AGBL1: variants seen among roughly 807,000 people sequenced by gnomAD.
AGBL1 encodes the protein AGBL carboxypeptidase 1.
AGBL1 carries 130 observed loss-of-function variants against 118.9 expected under a neutral mutation model. The observed-to-expected ratio is 1.09, with a 90% confidence interval of 0.95 to 1.26. The LOEUF is 1.26. Among genes scored for constraint, AGBL1 ranks in the 50% most tolerant of loss-of-function variants. AGBL1 has a pLI of 0.00. For missense variants in AGBL1, 1,584 were observed against 1,298.1 expected (o/e 1.22, Z -3.38); for synonymous variants, 555 against 478.9 (o/e 1.16, Z -2.08).
At chr15:86,279,351 A>G (rs1226879216) in intron 15 of AGBL1, among the ~76,000 whole-genome samples, 2 of 152,204 alleles carry the variant, frequency 1.3e-5, no homozygotes, top group Non-Finnish European at 2.9e-5. Flanking sequence ...CTCAGTGACT[A>G]TATAGCCCTC....
chr15:86,884,015 G>C (rs2079934132), intron 22 of AGBL1, among the ~76,000 whole-genome samples: 1 of 152,212 alleles, frequency 6.6e-6, no homozygotes, highest in Non-Finnish European at 1.5e-5. Flanking sequence ...TTTCTTCTGA[G>C]ACCCATGGAT....
chr15:86,575,069 G>C (rs2084068050), intron 21 of AGBL1, among the ~76,000 whole-genome samples: 1 of 151,926 alleles, frequency 6.6e-6, no homozygotes, highest in Non-Finnish European at 1.5e-5. Flanking sequence ...GGTGCCTGCA[G>C]TCCCAGCTAC....
At chr15:86,399,527 C>T (rs2081414306) in intron 18 of AGBL1, among the ~76,000 whole-genome samples, 1 of 152,122 alleles carries the variant, frequency 6.6e-6, no homozygotes, top group African/African-American at 2.4e-5. Context: ...CTGCCCTAGT[C>T]AGTTTTCTCT....
At chr15:86,320,944 T>C (rs560096524) in intron 17 of AGBL1, among the ~76,000 whole-genome samples, 2 of 152,242 alleles carry the variant, frequency 1.3e-5, no homozygotes, top group Non-Finnish European at 2.9e-5. Flanking sequence ...AGTTCTGGAA[T>C]AAATCCATTT....
chr15:86,603,512 CT>C (rs1212336461), intron 21 of AGBL1, among the ~76,000 whole-genome samples: 1 of 152,064 alleles, frequency 6.6e-6, no homozygotes, highest in Admixed American at 6.5e-5. Context: ...CCTTAGCCCC[CT>C]ATTTTCTAAT....
intron 24 of AGBL1, among the ~76,000 whole-genome samples, chr15:87,028,469 GTGA>G (rs1239614818): frequency 6.6e-6 from 1 of 151,796 alleles, no homozygotes; most frequent in African/African-American, 2.4e-5. Flanking sequence ...TTTAAGTGTA[GTGA>G]TGATAATATC....
intron 21 of AGBL1, among the ~76,000 whole-genome samples, chr15:86,624,929 A>G (rs1193163325): frequency 1.3e-5 from 2 of 152,202 alleles, no homozygotes; most frequent in African/African-American, 4.8e-5. Flanking sequence ...AGGGCCTGAC[A>G]GAATGCCTTC....
At chr15:86,546,319 T>A (rs563850471) in intron 20 of AGBL1, among the ~76,000 whole-genome samples, 186 bp downstream of exon 20, 1 of 152,264 alleles carries the variant, frequency 6.6e-6, no homozygotes, top group East Asian at 1.9e-4. Context: ...CTAATTTTTG[T>A]TGAATAATGA....
At chr15:86,735,451 C>T (rs1279892155) in intron 22 of AGBL1, among the ~76,000 whole-genome samples, 2 of 151,972 alleles carry the variant, frequency 1.3e-5, no homozygotes, top group Admixed American at 1.3e-4. Context: ...GCTGAGTGGG[C>T]AGATTTCAAA....
At chr15:86,245,381 T>C (rs969093254) in intron 6 of AGBL1, among the ~76,000 whole-genome samples, 1 of 152,162 alleles carries the variant, frequency 6.6e-6, no homozygotes, top group African/African-American at 2.4e-5. Flanking sequence ...CCAGTGTGAA[T>C]GGTTTCGATG....
At chr15:86,172,020 T>C (rs1035082193) in intron 5 of AGBL1, among the ~76,000 whole-genome samples, 1 of 152,160 alleles carries the variant, frequency 6.6e-6, no homozygotes, top group African/African-American at 2.4e-5. Flanking sequence ...AATGTTAAAA[T>C]GGACTTTGGA....
At chr15:86,742,874 G>C (rs1348464881) in intron 22 of AGBL1, among the ~76,000 whole-genome samples, 1 of 152,150 alleles carries the variant, frequency 6.6e-6, no homozygotes, top group Non-Finnish European at 1.5e-5. Flanking sequence ...CCTACAGGTA[G>C]CTTAGTTCAG....
At chr15:86,474,833 G>A (rs987465653) in intron 18 of AGBL1, among the ~76,000 whole-genome samples, 2 of 151,188 alleles carry the variant, frequency 1.3e-5, no homozygotes, top group African/African-American at 4.9e-5. Flanking sequence ...CCCAGTAGGG[G>A]CAGACTGACA....
intron 22 of AGBL1, among the ~76,000 whole-genome samples, chr15:86,865,734 A>T (rs1361682122): frequency 1.3e-5 from 2 of 152,164 alleles, no homozygotes; most frequent in Non-Finnish European, 2.9e-5. Flanking sequence ...CACTGTGTCA[A>T]CCTGCGCCTT....
intron 18 of AGBL1, among the ~76,000 whole-genome samples, chr15:86,436,645 T>C (rs573952112): frequency 2.0e-5 from 3 of 152,322 alleles, no homozygotes; most frequent in East Asian, 1.9e-4. Flanking sequence ...ACAATTACAC[T>C]AAGTTAATGG....
At chr15:86,629,231 A>G (rs186786783) in intron 21 of AGBL1, among the ~76,000 whole-genome samples, 3 of 152,280 alleles carry the variant, frequency 2.0e-5, no homozygotes, top group Admixed American at 1.3e-4. Flanking sequence ...AAGAAGATAA[A>G]GATTGGTTGG....
At chr15:86,786,594 C>T (rs1434329697) in intron 22 of AGBL1, among the ~76,000 whole-genome samples, 1 of 152,168 alleles carries the variant, frequency 6.6e-6, no homozygotes, top group Non-Finnish European at 1.5e-5. Context: ...TTCCTCTTTG[C>T]AACCTAAAAT....
intron 22 of AGBL1, among the ~76,000 whole-genome samples, chr15:86,776,233 A>G (rs1246536571): frequency 2.6e-5 from 4 of 152,176 alleles, no homozygotes; most frequent in African/African-American, 7.2e-5. Flanking sequence ...ACTGAGAGAC[A>G]GTACCTTTCT....
chr15:86,194,184 C>T (rs2077764498), intron 5 of AGBL1, among the ~76,000 whole-genome samples: 2 of 152,204 alleles, frequency 1.3e-5, no homozygotes, highest in South Asian at 2.1e-4. Context: ...ACTTTCTCAG[C>T]GAACTCATCG....
Sources: allele counts gnomAD v4.1 joint callset (sites outside exome capture counted in the v4.1 genomes callset), GRCh38; gene constraint gnomAD v4.1.1; transcripts MANE v1.5; gene names NCBI Gene and HGNC (gene_info 2026-07-23, HGNC 2026-07-21).